Variants in GCN1 observed in about 807,000 individuals in gnomAD.
GCN1 encodes the protein stalled ribosome sensor GCN1.
Under a neutral mutation model 288.4 loss-of-function variants are expected in GCN1, and 90 were observed. The observed-to-expected ratio is 0.31, with a 90% CI of 0.26 to 0.37. The LOEUF is 0.37. Among genes scored for constraint, GCN1 ranks in the 10% least tolerant of loss-of-function variants. The probability of loss-of-function intolerance (pLI) is 1.00; values close to 1 mark genes in which losing one functional copy is unlikely to be tolerated. For missense variants in GCN1, 2,586 were observed against 3,419.9 expected (o/e 0.76, Z 6.08); for synonymous variants, 1,386 against 1,420.2 (o/e 0.98, Z 0.54).
chr12:120,162,254 C>T, intron 20 of GCN1, 196 bp from the exon 21 acceptor site: 1 of 589,668 alleles, frequency 1.7e-6, no homozygotes, highest in African/African-American at 1.9e-5. Context: ...CTGTCTGACA[C>T]AGCACCTGAC....
In GCN1 at chr12:120,153,135, C is replaced by A; in HGVS notation, c.4062+78G>T. 8.0e-7 allele frequency: 1 copy of A among 1,255,012 alleles called. No individual in the cohort carries two copies. The highest frequency in any genetic ancestry group is 1.1e-6 in the Non-Finnish European group (1 of 878,906). The allele number at this position is 1,255,012 out of a possible 1,614,324, so 77.7% of individuals were successfully genotyped here. ...GGGCCCTGATTGTCCAACTCCACCC[C>A]TAGTATCCCACCGCCTAACCACAGC... is the stretch of plus-strand genomic sequence containing the variant. On this transcript the variant is annotated intron_variant, in intron 33 of 57. Coordinates refer to ENST00000300648, the MANE Select transcript of GCN1 (RefSeq NM_006836.2). The surrounding 1 kb of genome is among the most constrained non-coding windows in gnomAD (Gnocchi z 4.4).
In GCN1 at chr12:120,132,017, G is replaced by A. The variant is rs1337434787; in HGVS notation, c.7323C>T (p.Asn2441=). 8.2e-6 allele frequency: 13 copies of A among 1,586,598 alleles called. No homozygotes were observed. The highest frequency in any genetic ancestry group is 4.5e-5 in the East Asian group (2 of 44,130). The change falls in exon 54 of 58, where the codon AAC becomes AAT. Residue 2441 remains asparagine (N), a synonymous_variant. Transcript: ENST00000300648. ...GGCACCCGGCTGAGGAGATGCGAGT[G>A]TTGTCCTGACAGGGAAGAGAAGGGA... ...LLSMLGHDED[N]TRISSAGCLG...
At chr12:120,140,739 G>C in intron 45 of GCN1, 120 bp downstream of exon 45, 2 of 888,006 alleles carry the variant, frequency 2.3e-6, no homozygotes, top group South Asian at 3.6e-5. Flanking sequence ...AGTGAGACTG[G>C]CTCATCCCTG....
At chr12:120,150,630 A>C (rs1877511831) in intron 34 of GCN1, among the ~76,000 whole-genome samples, 2 of 150,600 alleles carry the variant, frequency 1.3e-5, no homozygotes, top group Non-Finnish European at 1.5e-5. Context: ...CTCTCAGCTA[A>C]GGGTGTTGCT....
Position 120,162,964 on chromosome 12 carries a change from CACGGCA to C in GCN1, c.2040_2045del (p.Ala681_Val682del). On this transcript the variant is annotated inframe_deletion and splice_region_variant, in exon 20 of 58. Coordinates refer to ENST00000300648, the MANE Select transcript of GCN1 (RefSeq NM_006836.2). ...GAAGTGCTGGCCAAAGTCCAGACTGCACGGCAACTGAAGGGGAAGGGAGCTCTTTGA... is the reference window on the plus strand; with the variant it reads ...GAAGTGCTGGCCAAAGTCCAGACTGCACTGAAGGGGAAGGGAGCTCTTTGA... 6.2e-7 allele frequency: 1 copy of C among 1,614,208 alleles called. No individual in the cohort carries two copies. Among genetic ancestry groups the C allele is most frequent in the African/African-American group, 1.3e-5 (1 of 75,060 alleles).
In GCN1 at chr12:120,150,948, A is replaced by G. The variant is rs564069599; in HGVS notation, c.4309+197T>C. Among the ~76,000 whole-genome samples, 540 of 152,084 alleles carry G rather than the reference A, an allele frequency of 3.6e-3. 1 individual carries two copies. The highest frequency in any genetic ancestry group is 6.8e-3 in the Non-Finnish European group (463 of 67,960). On this transcript the variant is annotated intron_variant, in intron 34 of 57. Transcript: ENST00000300648. ...CGAGACTCCGTCTCAAAAAAAAAAA[A>G]CAGAAAAGAAAAAAAAATTTGCAAG...
Position 120,151,379 on chromosome 12 carries a change from CGG to C in GCN1, c.4073_4074del (p.Ser1358CysfsTer66). 1 of 1,613,494 alleles carries C rather than the reference CGG, an allele frequency of 6.2e-7. No homozygotes were observed. Among genetic ancestry groups the C allele is most frequent in the Non-Finnish European group, 8.5e-7 (1 of 1,179,954 alleles). ...LSTPSQQVQE[S>X]VASCLPPLVP... ...ACAAGGGGTGGCAAGCAGCTGGCTA[CGG>C]ACTCCTGGACCTGGGGAAGGGCCCA... On this transcript the variant is annotated frameshift_variant, in exon 34 of 58. Transcript: ENST00000300648. LOFTEE classifies it high-confidence loss of function.
At position 120,156,936 on chromosome 12, in the gene GCN1, G is replaced by A. The variant is rs763342323; in HGVS notation, c.3144C>T (p.Ile1048=). 36 of 1,612,192 alleles carry A rather than the reference G, an allele frequency of 2.2e-5. No homozygotes were observed. The highest frequency in any genetic ancestry group is 5.5e-5 in the South Asian group (5 of 91,042). ...CCTGTAAGCGAGGCGAGCCCGTCCC[G>A]ATCACCCAAGTCAGAAGACGCAGCA... is the stretch of plus-strand genomic sequence containing the variant. ...VAMLRLLTWV[I]GTGSPRLQVL... is the part of the protein sequence containing the mutation. The change falls in exon 27 of 58, where the codon ATC becomes ATT. Residue 1048 remains isoleucine, a synonymous_variant. Coordinates refer to ENST00000300648, the MANE Select transcript of GCN1 (RefSeq NM_006836.2). The surrounding 1 kb of genome is among the most constrained non-coding windows in gnomAD (Gnocchi z 5.8).
chr12:120,132,990 G>A (rs1170768480), intron 53 of GCN1, among the ~76,000 whole-genome samples: 1 of 152,216 alleles, frequency 6.6e-6, no homozygotes, highest in Non-Finnish European at 1.5e-5. Context: ...ATGCAAATAT[G>A]TTTCAATACT....
At chr12:120,164,956 TAC>T (rs1414727541) in intron 16 of GCN1, among the ~76,000 whole-genome samples, 10 of 144,638 alleles carry the variant, frequency 6.9e-5, no homozygotes, top group African/African-American at 2.4e-4. Context: ...TACACACATA[TAC>T]ACATATATAC....
Position 120,153,340 on chromosome 12 carries a change from T to C in GCN1, c.3935A>G (p.Tyr1312Cys). ...FLKNAPNDAS[Y>C]DAVRQSVVVL... Reference sequence around the variant, plus strand: ...CACCACACTCTGTCGCACAGCATCATAGCTGGCATCATTGGGCGCGTTCTT... The same window carrying C: ...CACCACACTCTGTCGCACAGCATCACAGCTGGCATCATTGGGCGCGTTCTT... The change falls in exon 33 of 58, where the codon TAT becomes TGT. Residue 1312 changes from tyrosine (Y) to cysteine (C), a missense_variant. Coordinates refer to ENST00000300648, the MANE Select transcript of GCN1 (RefSeq NM_006836.2). This position sits in a 1 kb window ranked among gnomAD's most constrained non-coding sequence, Gnocchi z 4.4. 4 of 1,614,208 alleles carry C rather than the reference T, an allele frequency of 2.5e-6. No homozygotes were observed. The highest frequency in any genetic ancestry group is 1.1e-5 in the South Asian group (1 of 91,092).
At position 120,147,094 on chromosome 12, in the gene GCN1, T is replaced by C; in HGVS notation, c.4905A>G (p.Ala1635=). Residue 1635 remains alanine (A), a synonymous_variant, in exon 38 of 58, where the codon GCA becomes GCG. Coordinates refer to ENST00000300648, the MANE Select transcript of GCN1 (RefSeq NM_006836.2). ...QDRSTDTRKM[A]AQIIGNMYSL... ...AGTACATGTTGCCAATAATCTGGGCTGCCATCTTCCGCGTGTCCGTGGAAC... is the reference window on the plus strand; with the variant it reads ...AGTACATGTTGCCAATAATCTGGGCCGCCATCTTCCGCGTGTCCGTGGAAC... 1 of 1,599,442 alleles carries C rather than the reference T, an allele frequency of 6.3e-7. No homozygotes were observed. Among genetic ancestry groups the C allele is most frequent in the Non-Finnish European group, 8.6e-7 (1 of 1,169,206 alleles).
At position 120,136,597 on chromosome 12, in the gene GCN1, T is replaced by C. The variant is rs1433758331; in HGVS notation, c.6913A>G (p.Ser2305Gly). ...ATGCGGATCAGAGGGCCAGTGATGC[T>C]GACCACGGAGGGCCTCAGGGCGTCA... Reference protein sequence around the residue: ...SADALRPSVVSITGPLIRILG... With the variant: ...SADALRPSVVGITGPLIRILG... The change falls in exon 51 of 58, where the codon AGC (serine) becomes GGC (glycine). Residue 2305 changes from serine (S) to glycine (G), a missense_variant. Ser to Gly is a moderately conservative substitution (Grantham distance 56). This residue lies in a region of GCN1 where 437 missense variants were observed against 570.5 expected (regional missense o/e 0.77). Transcript: ENST00000300648. 5 of 1,614,120 alleles carry C rather than the reference T, an allele frequency of 3.1e-6. No homozygotes were observed. The highest frequency in any genetic ancestry group is 4.2e-6 in the Non-Finnish European group (5 of 1,180,040).
Position 120,155,091 on chromosome 12 carries a change from G to C in GCN1, c.3631-51C>G. 1 of 1,555,404 alleles carries C rather than the reference G, an allele frequency of 6.4e-7. No homozygotes were observed. ...TTTGCAACGGGCAGATCAATGACCT[G>C]GGCACCAGGATTGTGAGGCAGGAAA... On this transcript the variant is annotated intron_variant, in intron 30 of 57. Coordinates refer to ENST00000300648, the MANE Select transcript of GCN1 (RefSeq NM_006836.2). This position sits in a 1 kb window ranked among gnomAD's most constrained non-coding sequence, Gnocchi z 4.9.
rs775425036 is a variant in GCN1, at chr12:120,145,038, G to C, written c.5040C>G (p.Ala1680=). Residue 1680 remains alanine (A), a synonymous_variant, in exon 40 of 58, where the codon GCC becomes GCG. Transcript: ENST00000300648. ...CCATGCCCTTCACCATGGCCCCAAG[G>C]GCCTTTGCAGATACGGTCCGCACCT... is the stretch of plus-strand genomic sequence containing the variant. ...VPEVRTVSAK[A]LGAMVKGMGE... is the part of the protein sequence containing the mutation. 1 of 1,614,000 alleles carries C rather than the reference G, an allele frequency of 6.2e-7. No homozygotes were observed. The highest frequency in any genetic ancestry group is 1.7e-5 in the Admixed American group (1 of 60,026).
intron 51 of GCN1, among the ~76,000 whole-genome samples, chr12:120,135,253 T>C (rs191265970): frequency 2.3e-4 from 35 of 152,292 alleles, no homozygotes; most frequent in Admixed American, 7.2e-4. Flanking sequence ...CCTGCACAAA[T>C]GTGTACCCAC....
At chr12:120,189,491 T>C (rs1878935490) in intron 2 of GCN1, among the ~76,000 whole-genome samples, 1 of 151,892 alleles carries the variant, frequency 6.6e-6, no homozygotes, top group Non-Finnish European at 1.5e-5. Context: ...GCCTCCCTAG[T>C]AGCTGGGATT....
chr12:120,184,968 G>T, intron 2 of GCN1, 81 bp from the exon 3 acceptor site: 4 of 914,408 alleles, frequency 4.4e-6, no homozygotes, highest in Admixed American at 1.7e-5. Context: ...GCCCAGACAT[G>T]ATCTCAGCCC....
In GCN1 at chr12:120,156,623, C is replaced by G; in HGVS notation, c.3169-19G>C. The G allele has an allele frequency of 6.2e-7, 1 of 1,613,096 alleles. No individual in the cohort carries two copies. Among genetic ancestry groups the G allele is most frequent in the South Asian group, 1.1e-5 (1 of 91,014 alleles). Reference sequence around the variant, plus strand: ...CCAGAACCTAAGGAGAACATCAATCCACTGGTTCAGTCAGCAACTCATTTA... The same window carrying G: ...CCAGAACCTAAGGAGAACATCAATCGACTGGTTCAGTCAGCAACTCATTTA... On this transcript the variant is annotated intron_variant, in intron 27 of 57. Transcript: ENST00000300648. The surrounding 1 kb of genome is among the most constrained non-coding windows in gnomAD (Gnocchi z 5.8).
Sources: allele counts gnomAD v4.1 joint callset (sites outside exome capture counted in the v4.1 genomes callset), GRCh38; gene constraint gnomAD v4.1.1; regional missense constraint gnomAD v4.1.1; non-coding constraint Gnocchi (gnomAD v3.1); transcripts MANE v1.5; gene names NCBI Gene and HGNC (gene_info 2026-07-23, HGNC 2026-07-21).